PGM1: variants seen among roughly 807,000 people sequenced by gnomAD.
PGM1 encodes phosphoglucomutase 1.
PGM1 carries 52 observed loss-of-function variants against 55.6 expected under a neutral mutation model. The ratio of observed to expected loss-of-function variants is 0.94; its 90% CI spans 0.75 to 1.18. PGM1 has a LOEUF of 1.18. Among genes scored for constraint, PGM1 ranks in the 50% most tolerant of loss-of-function variants. The pLI, the probability that PGM1 is intolerant of heterozygous loss-of-function variation, is 0.00. For missense variants in PGM1, 724 were observed against 729.3 expected, an observed-to-expected ratio of 0.99 and a Z score of 0.08; for synonymous variants, 287 against 271.7, an observed-to-expected ratio of 1.06 and a Z score of -0.55.
chr1:63,635,946 G>T lies in PGM1; in HGVS notation c.874-288G>T, dbSNP rs1649349717. On this transcript the variant is annotated intron_variant, in intron 5 of 10. Coordinates refer to ENST00000371084, the MANE Select transcript of PGM1 (RefSeq NM_002633.3). ...CCAGAGTCTGAAAAAAGTCTAGGAGGTTAAAGTTAGCTGGCCTCTGGAGGG... is the reference window on the plus strand; with the variant it reads ...CCAGAGTCTGAAAAAAGTCTAGGAGTTTAAAGTTAGCTGGCCTCTGGAGGG... Among the ~76,000 whole-genome samples, 4 of 152,336 alleles carry T rather than the reference G, an allele frequency of 2.6e-5. No homozygotes were observed. The South Asian group carries it at 8.3e-4, about 32-fold the overall frequency.
At chr1:63,600,260 C>T (rs937162219) in intron 1 of PGM1, 3 of 152,182 alleles carry the variant, frequency 2.0e-5, no homozygotes, top group African/African-American at 2.4e-5. Flanking sequence ...TTCACTAATG[C>T]TCTTGGTGAA....
chr1:63,602,614 TGAA>T (rs200947092), intron 1 of PGM1, among the ~76,000 whole-genome samples: 91,943 of 151,694 alleles, frequency 0.61, 29,622 homozygotes, highest in African/African-American at 0.82. Context: ...ACAAGTGAAT[TGAA>T]ATGTTGCTCA....
intron 7 of PGM1, among the ~76,000 whole-genome samples, chr1:63,646,487 G>A (rs1649647966): frequency 6.6e-6 from 1 of 152,096 alleles, no homozygotes; most frequent in Non-Finnish European, 1.5e-5. Context: ...TCTCCTTTAA[G>A]AGACATCATT....
intron 7 of PGM1, among the ~76,000 whole-genome samples, chr1:63,647,286 A>ATG (rs1553122070): frequency 5.0e-5 from 3 of 60,190 alleles, no homozygotes; most frequent in African/African-American, 2.1e-4. Flanking sequence ...ATATATATAT[A>ATG]TATATATATA....
chr1:63,623,175 A>G, intron 1 of PGM1: 1 of 1,186,296 alleles, frequency 8.4e-7, no homozygotes, highest in Non-Finnish European at 1.0e-6. Context: ...AAATAATTGA[A>G]GGGTATTTGG....
At chr1:63,610,543 G>A (rs947754334) in intron 1 of PGM1, among the ~76,000 whole-genome samples, 11 of 152,164 alleles carry the variant, frequency 7.2e-5, no homozygotes, top group African/African-American at 2.7e-4. Flanking sequence ...TGGGCAAATT[G>A]CTTGAGCTGC....
intron 4 of PGM1, 143 bp downstream of exon 4, chr1:63,631,925 T>C: frequency 1.2e-6 from 1 of 813,412 alleles, no homozygotes; most frequent in Non-Finnish European, 2.1e-6. Context: ...CAGAGCAATA[T>C]TCACACAGAT....
intron 1 of PGM1, among the ~76,000 whole-genome samples, chr1:63,595,284 A>G (rs1049648625): frequency 6.6e-6 from 1 of 152,216 alleles, no homozygotes; most frequent in African/African-American, 2.4e-5. Flanking sequence ...CAAGTTGCCA[A>G]CGAGGACGCT....
chr1:63,641,922 A>G (rs1410390186), intron 7 of PGM1, among the ~76,000 whole-genome samples: 1 of 152,206 alleles, frequency 6.6e-6, no homozygotes, highest in Non-Finnish European at 1.5e-5. Context: ...TGCTATTGGA[A>G]AAGAAAGAAC....
intron 4 of PGM1, among the ~76,000 whole-genome samples, chr1:63,633,041 T>C (rs1470741209): frequency 6.6e-6 from 1 of 151,864 alleles, no homozygotes; most frequent in African/African-American, 2.4e-5. Context: ...AAAAAATCCC[T>C]AAAAAACTAA....
intron 1 of PGM1, among the ~76,000 whole-genome samples, chr1:63,598,011 C>T (rs1570468122): frequency 6.6e-6 from 1 of 152,226 alleles, no homozygotes; most frequent in East Asian, 1.9e-4. Context: ...ACTCTGTTGC[C>T]CAGACTGCAG....
At position 63,659,675 on chromosome 1, in the gene PGM1, A is replaced by G; in HGVS notation, c.1689A>G (p.Ter563=). 6.2e-7 allele frequency: 1 copy of G among 1,608,118 alleles called. No homozygotes were observed. The highest frequency in any genetic ancestry group is 8.5e-7 in the Non-Finnish European group (1 of 1,174,516). ...TGRTAPTVIT[*] is the part of the protein sequence containing the mutation. ...GCACTGCACCCACTGTCATCACCTA[A>G]GAAGACAGGCCTGATGTGGTACGTC... Residue 563 remains the stop codon, a stop_retained_variant, in exon 11 of 11, where the codon TAA becomes TAG. Coordinates refer to ENST00000371084, the MANE Select transcript of PGM1 (RefSeq NM_002633.3).
chr1:63,601,591 GT>G (rs1648245537), intron 1 of PGM1, among the ~76,000 whole-genome samples: 2 of 152,176 alleles, frequency 1.3e-5, no homozygotes, highest in African/African-American at 2.4e-5. Flanking sequence ...TGGCTCCTGA[GT>G]GTGTTAAGTA....
chr1:63,639,856 T>A (rs538801180), intron 7 of PGM1, among the ~76,000 whole-genome samples: 1 of 152,312 alleles, frequency 6.6e-6, no homozygotes, highest in African/African-American at 2.4e-5. Flanking sequence ...GGCACATATT[T>A]ACAGAGTTCT....
At chr1:63,639,800 C>T (rs2100991631) in intron 7 of PGM1, among the ~76,000 whole-genome samples, 2 of 152,220 alleles carry the variant, frequency 1.3e-5, no homozygotes, top group East Asian at 3.9e-4. Flanking sequence ...ATTTCCTTTC[C>T]TATAAGTCTG....
At chr1:63,641,596 T>C (rs1378942761) in intron 7 of PGM1, among the ~76,000 whole-genome samples, 2 of 152,216 alleles carry the variant, frequency 1.3e-5, no homozygotes, top group African/African-American at 4.8e-5. Flanking sequence ...TTCCAGGCGA[T>C]AGGAGAGACA....
At chr1:63,625,658 GC>G (rs1648996569) in intron 1 of PGM1, among the ~76,000 whole-genome samples, 1 of 152,154 alleles carries the variant, frequency 6.6e-6, no homozygotes, top group South Asian at 2.1e-4. Context: ...TACCCACTGT[GC>G]CCATAAGCTG....
At chr1:63,627,317 A>G (rs894729905) in intron 1 of PGM1, among the ~76,000 whole-genome samples, 16 of 152,078 alleles carry the variant, frequency 1.1e-4, no homozygotes, top group East Asian at 5.8e-4. Flanking sequence ...TATGATTTAG[A>G]AAGATAAACT....
chr1:63,607,059 C>T (rs1648441674), intron 1 of PGM1, among the ~76,000 whole-genome samples: 1 of 152,238 alleles, frequency 6.6e-6, no homozygotes, highest in Admixed American at 6.5e-5. Context: ...ACCATCACCA[C>T]AATCTAACTT....
Sources: allele counts gnomAD v4.1 joint callset (sites outside exome capture counted in the v4.1 genomes callset), GRCh38; gene constraint gnomAD v4.1.1; transcripts MANE v1.5; gene names NCBI Gene and HGNC (gene_info 2026-07-23, HGNC 2026-07-21).